Variants in SPATS2L observed in about 807,000 individuals in gnomAD.
SPATS2L encodes SPATS2-like protein.
In SPATS2L, 30 loss-of-function variants were observed where a neutral mutation model predicts 59.6. That is an observed-to-expected ratio of 0.50 (90% CI 0.38 to 0.68). SPATS2L has a LOEUF of 0.68. SPATS2L is among the 30% of genes least tolerant of loss of function. SPATS2L has a pLI of 0.00. For missense variants in SPATS2L, 615 were observed against 700.0 expected, an observed-to-expected ratio of 0.88 and a Z score of 1.37; for synonymous variants, 252 against 263.5, an observed-to-expected ratio of 0.96 and a Z score of 0.42.
intron 1 of SPATS2L, among the ~76,000 whole-genome samples, chr2:200,319,304 G>A (rs2079481426): frequency 6.6e-6 from 1 of 152,108 alleles, no homozygotes; most frequent in Non-Finnish European, 1.5e-5. Flanking sequence ...TATGGCTCAC[G>A]CCTGTAATCC....
chr2:200,376,984 A>C (rs2081622094), intron 2 of SPATS2L, among the ~76,000 whole-genome samples: 1 of 152,198 alleles, frequency 6.6e-6, no homozygotes, highest in Non-Finnish European at 1.5e-5. Flanking sequence ...GTAACCTCAT[A>C]ATCCTTAGAT....
intron 3 of SPATS2L, chr2:200,389,578 G>T: frequency 3.4e-6 from 1 of 297,560 alleles, no homozygotes; most frequent in Non-Finnish European, 6.3e-6. Flanking sequence ...AAGTAATTTG[G>T]CTAAGTTAAC....
intron 1 of SPATS2L, among the ~76,000 whole-genome samples, chr2:200,312,686 T>G (rs1574362808): frequency 6.6e-6 from 1 of 152,202 alleles, no homozygotes; most frequent in South Asian, 2.1e-4. Flanking sequence ...GAGTAGCTAG[T>G]AATTTGTAGA....
chr2:200,375,060 C>T (rs934593225), intron 2 of SPATS2L, among the ~76,000 whole-genome samples: 11 of 152,178 alleles, frequency 7.2e-5, no homozygotes, highest in South Asian at 2.1e-4. Flanking sequence ...GCTAGAGCTC[C>T]GTGCAAAGTA....
intron 2 of SPATS2L, among the ~76,000 whole-genome samples, chr2:200,353,169 G>A (rs1217275633): frequency 1.1e-4 from 17 of 152,154 alleles, no homozygotes; most frequent in Admixed American, 1.1e-3. Flanking sequence ...CAACCTAGAG[G>A]AGCAAAGAAG....
intron 5 of SPATS2L, among the ~76,000 whole-genome samples, chr2:200,416,887 T>C (rs1474529550): frequency 6.6e-6 from 1 of 152,132 alleles, no homozygotes; most frequent in Non-Finnish European, 1.5e-5. Flanking sequence ...CTAAGGTAGA[T>C]CATTAATAAA....
chr2:200,460,321 C>G (rs1002368209), intron 9 of SPATS2L, among the ~76,000 whole-genome samples: 1 of 152,054 alleles, frequency 6.6e-6, no homozygotes, highest in African/African-American at 2.4e-5. Context: ...TTAAATTCCC[C>G]TCAACATTTT....
At chr2:200,391,851 A>C (rs7585698) in intron 3 of SPATS2L, among the ~76,000 whole-genome samples, 20,111 of 151,998 alleles carry the variant, frequency 0.13, 2,067 homozygotes, top group African/African-American at 0.28. Context: ...GTTTTCCATC[A>C]AAATGACCCC....
In SPATS2L at chr2:200,472,984, C is replaced by A. The variant is rs757295330; in HGVS notation, c.1213C>A (p.Pro405Thr). ...GCCCTCTGAAGGCAAAGCGGCAAACCCCAAAATGGTGAGCAGTCTCCCCAG... is the reference window on the plus strand; with the variant it reads ...GCCCTCTGAAGGCAAAGCGGCAAACACCAAAATGGTGAGCAGTCTCCCCAG... ...NKPSEGKAAN[P>T]KMVSSLPSTA... Residue 405 changes from proline (P) to threonine (T), a missense_variant, in exon 12 of 13, where the codon CCC becomes ACC. Pro to Thr is a conservative substitution (Grantham distance 38). Around this residue, in one of 3 missense-constraint regions of SPATS2L, gnomAD observed 284 missense variants for 280.1 expected, o/e 1.01. Coordinates refer to ENST00000409140, the MANE Select transcript of SPATS2L (RefSeq NM_001100423.2). The A allele has an allele frequency of 1.2e-6, 2 of 1,613,846 alleles. No individual in the cohort carries two copies. The highest frequency in any genetic ancestry group is 2.2e-5 in the South Asian group (2 of 91,064).
intron 1 of SPATS2L, among the ~76,000 whole-genome samples, chr2:200,314,168 A>C (rs1232218995): frequency 6.6e-6 from 1 of 152,254 alleles, no homozygotes; most frequent in Non-Finnish European, 1.5e-5. Flanking sequence ...CGACAAGTTC[A>C]AAACATCACT....
At position 200,402,624 on chromosome 2, in the gene SPATS2L, T is replaced by G. The variant is rs534122930; in HGVS notation, c.40-9687T>G. On this transcript the variant is annotated intron_variant, in intron 3 of 12. Coordinates refer to ENST00000409140, the MANE Select transcript of SPATS2L (RefSeq NM_001100423.2). ...TAGATGCCAGAGCATCCTTACTGCTTCTTCTATAACATTCATCAAACATTT... is the reference window on the plus strand; with the variant it reads ...TAGATGCCAGAGCATCCTTACTGCTGCTTCTATAACATTCATCAAACATTT... 1.1e-3 allele frequency among the ~76,000 whole-genome samples: 163 copies of G among 152,334 alleles called. 1 individual carries two copies. The highest frequency in any genetic ancestry group is 3.7e-3 in the African/African-American group (153 of 41,570).
intron 1 of SPATS2L, among the ~76,000 whole-genome samples, chr2:200,328,665 G>A (rs753668981): frequency 7.9e-5 from 12 of 152,094 alleles, no homozygotes; most frequent in Middle Eastern, 3.2e-3. Context: ...ACCAGTTAGC[G>A]GAGCATTTGA....
intron 6 of SPATS2L, among the ~76,000 whole-genome samples, chr2:200,429,577 C>T (rs1006739852): frequency 6.6e-6 from 1 of 152,156 alleles, no homozygotes; most frequent in African/African-American, 2.4e-5. Context: ...CTGACAGTGG[C>T]GGGAGGTGGG....
intron 8 of SPATS2L, among the ~76,000 whole-genome samples, chr2:200,444,039 A>T (rs1413345809): frequency 1.3e-5 from 2 of 152,240 alleles, no homozygotes; most frequent in Admixed American, 1.3e-4. Context: ...GAGGGGAATA[A>T]AGATGATACA....
chr2:200,395,200 A>G (rs923426409), intron 3 of SPATS2L, among the ~76,000 whole-genome samples: 3 of 152,248 alleles, frequency 2.0e-5, no homozygotes, highest in Admixed American at 6.5e-5. Context: ...TTTTAACTGA[A>G]TAAGAAAGGA....
At chr2:200,407,886 A>G (rs1047076683) in intron 3 of SPATS2L, among the ~76,000 whole-genome samples, 1 of 152,182 alleles carries the variant, frequency 6.6e-6, no homozygotes, top group Non-Finnish European at 1.5e-5. Flanking sequence ...TGGTGTAGCT[A>G]TAAGTTGGCA....
intron 2 of SPATS2L, among the ~76,000 whole-genome samples, chr2:200,367,683 ATCCCAGTAT>A (rs1225777005): frequency 1.4e-5 from 2 of 142,782 alleles, no homozygotes; most frequent in Non-Finnish European, 3.0e-5. Flanking sequence ...ATATTTACAT[ATCCCAGTAT>A]TGAAAGTGAA....
intron 4 of SPATS2L, among the ~76,000 whole-genome samples, chr2:200,414,695 G>A (rs1379176074): frequency 6.6e-6 from 1 of 152,048 alleles, no homozygotes; most frequent in Non-Finnish European, 1.5e-5. Context: ...ATATTTGTTA[G>A]GAGTCATTTA....
At chr2:200,317,427 A>C (rs569479764) in intron 1 of SPATS2L, among the ~76,000 whole-genome samples, 2 of 152,364 alleles carry the variant, frequency 1.3e-5, no homozygotes, top group African/African-American at 4.8e-5. Flanking sequence ...TGCAAATGCT[A>C]TGGAGGTGGT....
Sources: allele counts gnomAD v4.1 joint callset (sites outside exome capture counted in the v4.1 genomes callset), GRCh38; gene constraint gnomAD v4.1.1; regional missense constraint gnomAD v4.1.1; transcripts MANE v1.5; gene names NCBI Gene and HGNC (gene_info 2026-07-23, HGNC 2026-07-21).